Variants in ARSG observed in about 807,000 individuals in gnomAD.
ARSG encodes the protein arylsulfatase G.
A neutral mutation model predicts 50.5 loss-of-function variants in ARSG; 37 were observed. The observed-to-expected ratio is 0.73, with a 90% confidence interval of 0.56 to 0.96. The LOEUF is 0.96. Ranked by LOEUF, ARSG falls within the 50% of genes least tolerant of loss-of-function variation. The pLI, the probability that ARSG is intolerant of heterozygous loss-of-function variation, is 0.00. For missense variants in ARSG, 629 were observed against 675.3 expected (o/e 0.93, Z 0.76); for synonymous variants, 225 against 254.6 (o/e 0.88, Z 1.11).
chr17:68,332,331 G>A (rs1568479460), intron 2 of ARSG, among the ~76,000 whole-genome samples: 1 of 152,292 alleles, frequency 6.6e-6, no homozygotes. Context: ...TATCTCCTTT[G>A]TTCCCTGAAC....
At chr17:68,259,344 T>C (rs1244837627) in exon 1 of ARSG, 1 of 152,208 alleles carries the variant, frequency 6.6e-6, no homozygotes, top group African/African-American at 2.4e-5. Context: ...CTGCGTGCCG[T>C]GCAGGCCTGC....
At chr17:68,435,593 CAG>C in the ARSG span, 1 of 1,610,716 alleles carries the variant, frequency 6.2e-7, no homozygotes, top group Non-Finnish European at 8.5e-7. Context: ...GAAACCCAGA[CAG>C]AGGTGTTGGT....
At chr17:68,317,177 T>C (rs2077099498) in intron 2 of ARSG, among the ~76,000 whole-genome samples, 1 of 152,168 alleles carries the variant, frequency 6.6e-6, no homozygotes, top group Non-Finnish European at 1.5e-5. Context: ...AAGCAGAATC[T>C]TTCGGTGACT....
rs1353859641 is a variant in ARSG at position 68,399,375 on chromosome 17, G to T, written c.1213-1985G>T. 1.3e-5 allele frequency among the ~76,000 whole-genome samples: 2 copies of T among 152,142 alleles called. No individual in the cohort carries two copies. Among genetic ancestry groups the T allele is most frequent in the Non-Finnish European group, 2.9e-5 (2 of 68,028 alleles). On this transcript the variant is annotated intron_variant, in intron 10 of 11. Transcript: ENST00000621439. This position sits in a 1 kb window ranked among gnomAD's most constrained non-coding sequence, Gnocchi z 4.6. ...ATATCAGCACCCTGTGGGACTTAAG[G>T]TAAAGGAATGCTCTCGTGCTTAAAA...
intron 2 of ARSG, among the ~76,000 whole-genome samples, chr17:68,328,358 T>C (rs999370486): frequency 4.6e-5 from 7 of 152,152 alleles, no homozygotes; most frequent in Non-Finnish European, 8.8e-5. Context: ...ATAGGTCTGA[T>C]TATGCCCATT....
At chr17:68,427,268 CAAG>C (rs2147774434), downstream of ARSG, 5 of 1,596,034 alleles carry the variant, frequency 3.1e-6, no homozygotes, top group East Asian at 1.1e-4. Context: ...TTGTGACAAT[CAAG>C]AGGAGGTGAA....
intron 4 of ARSG, among the ~76,000 whole-genome samples, chr17:68,349,531 G>T (rs1042672899): frequency 3.9e-5 from 6 of 152,088 alleles, no homozygotes; most frequent in African/African-American, 1.4e-4. Context: ...GTGTACCTAG[G>T]GGGTAGCTAA....
At chr17:68,386,024 A>T (rs993076911) in intron 9 of ARSG, among the ~76,000 whole-genome samples, 3 of 152,180 alleles carry the variant, frequency 2.0e-5, no homozygotes, top group Non-Finnish European at 4.4e-5. Flanking sequence ...TGCATAGCTC[A>T]CTGCAGACCC....
At chr17:68,326,378 A>G (rs1555772454) in intron 2 of ARSG, among the ~76,000 whole-genome samples, 1 of 152,198 alleles carries the variant, frequency 6.6e-6, no homozygotes, top group African/African-American at 2.4e-5. Context: ...TCTAGAAAAA[A>G]CAACTCAGCC....
intron 1 of ARSG, among the ~76,000 whole-genome samples, chr17:68,280,686 A>T (rs1291827085): frequency 6.6e-6 from 1 of 152,260 alleles, no homozygotes; most frequent in African/African-American, 2.4e-5. Context: ...TAAAACTACT[A>T]GAAGAAAACA....
the ARSG span, among the ~76,000 whole-genome samples, chr17:68,435,446 T>A: frequency 6.6e-6 from 1 of 152,190 alleles, no homozygotes; most frequent in Admixed American, 6.5e-5. Flanking sequence ...AATTAACAAA[T>A]GCATGAATAT....
At chr17:68,421,918 G>C, downstream of ARSG, 1 of 1,498,964 alleles carries the variant, frequency 6.7e-7, no homozygotes, top group Non-Finnish European at 9.3e-7. Context: ...AGTGAGCAGG[G>C]AGAGGCTGGG....
intron 1 of ARSG, among the ~76,000 whole-genome samples, chr17:68,277,420 G>A (rs908162281): frequency 9.9e-5 from 15 of 151,254 alleles, no homozygotes; most frequent in Admixed American, 2.6e-4. Context: ...GTGAGCCACC[G>A]CGCCCGGCCG....
At chr17:68,446,740 G>A in the ARSG span, among the ~76,000 whole-genome samples, 32 of 152,250 alleles carry the variant, frequency 2.1e-4, 1 homozygote, top group African/African-American at 7.2e-4. Context: ...CTGGGATAGC[G>A]GGGCCTTGAC....
chr17:68,401,215 G>A, intron 10 of ARSG, 145 bp from the exon 11 acceptor site: 3 of 684,994 alleles, frequency 4.4e-6, no homozygotes, highest in South Asian at 3.4e-5. Flanking sequence ...GTAGGGAGGG[G>A]TCTTGCTGTG....
rs201521929 is a variant in ARSG at position 68,343,692 on chromosome 17, A to C, written c.307A>C (p.Thr103Pro). The change falls in exon 3 of 12, where the codon ACA (threonine) becomes CCA (proline). Residue 103 changes from threonine to proline, a missense_variant. By Grantham distance (38) the Thr-to-Pro change is conservative. Transcript: ENST00000621439. ...CCGGCTTGGCCTTCGCAATGGAGTC[A>C]CACGCAACTTTGCAGTCACTTCTGT... is the stretch of plus-strand genomic sequence containing the variant. ...TGRLGLRNGV[T>P]RNFAVTSVGG... 4.3e-5 allele frequency: 69 copies of C among 1,614,060 alleles called. No individual in the cohort carries two copies. The highest frequency in any genetic ancestry group is 9.3e-6 in the Non-Finnish European group (11 of 1,180,040).
Position 68,271,275 on chromosome 17 carries a change from A to G in ARSG, c.-552+11849A>G. The G allele has an allele frequency of 6.2e-7, 1 of 1,614,232 alleles. No homozygotes were observed. Among genetic ancestry groups the G allele is most frequent in the Non-Finnish European group, 8.5e-7 (1 of 1,180,042 alleles). Reference sequence around the variant, plus strand: ...CAAAGAGACCAAATAATGCATAACAAATAAAACTTTTCTCTTTCAAAATGG... The same window carrying G: ...CAAAGAGACCAAATAATGCATAACAGATAAAACTTTTCTCTTTCAAAATGG... On this transcript the variant is annotated intron_variant, in intron 1 of 11. Coordinates refer to the ARSG transcript ENST00000448504. This position sits in a 1 kb window ranked among gnomAD's most constrained non-coding sequence, Gnocchi z 5.3.
chr17:68,294,412 C>A (rs552268808), intron 1 of ARSG, among the ~76,000 whole-genome samples: 13 of 152,302 alleles, frequency 8.5e-5, no homozygotes, highest in African/African-American at 3.1e-4. Flanking sequence ...GCAGATATGA[C>A]CCTGGCTTGC....
the ARSG span, among the ~76,000 whole-genome samples, chr17:68,445,385 C>T: frequency 6.6e-6 from 1 of 152,204 alleles, no homozygotes; most frequent in Non-Finnish European, 1.5e-5. Flanking sequence ...ATCACCAAAT[C>T]TTAGGTTTTA....
Sources: gnomAD v4.1 joint callset for allele counts (sites outside exome capture counted in the v4.1 genomes callset) on GRCh38, gnomAD v4.1.1 for gene constraint, Gnocchi (gnomAD v3.1) non-coding constraint, MANE v1.5 for transcripts, NCBI Gene and HGNC (gene_info 2026-07-23, HGNC 2026-07-21) for gene names.